The following WASHC4 variants were observed in gnomAD, a reference collection of about 807,000 sequenced individuals.
WASHC4 encodes the protein WASH complex subunit 7.
In WASHC4, 86 loss-of-function variants were observed where a neutral mutation model predicts 166.6. The ratio of observed to expected loss-of-function variants is 0.52; its 90% confidence interval spans 0.43 to 0.62. The LOEUF is 0.62. WASHC4 is among the 20% of genes least tolerant of loss of function. The probability of loss-of-function intolerance (pLI) is 0.00; values close to 1 mark genes in which losing one functional copy is unlikely to be tolerated. For missense variants in WASHC4, 1,262 were observed against 1,382.4 expected (o/e 0.91, Z 1.38); for synonymous variants, 446 against 451.6 (o/e 0.99, Z 0.16).
Position 105,152,377 on chromosome 12 carries a change from G to A in WASHC4, c.2684G>A (p.Gly895Asp), listed in dbSNP as rs1458717948. 2.5e-6 allele frequency: 4 copies of A among 1,603,710 alleles called. No homozygotes were observed. The highest frequency in any genetic ancestry group is 2.7e-5 in the African/African-American group (2 of 74,658). The change falls in exon 26 of 33, where the codon GGC becomes GAC. Residue 895 changes from glycine (G) to aspartate (D), a missense_variant. Physicochemically the swap from Gly to Asp is moderately conservative, Grantham distance 94. Coordinates refer to ENST00000332180, the MANE Select transcript of WASHC4 (RefSeq NM_015275.3). ...PFDRAEKFNR[G>D]IRKLGVTPEG... ...GATAGAGCAGAAAAATTCAATCGAG[G>A]CATCAGAAAACTTGGAGTAACACCT...
rs74473469 is a variant in WASHC4, at chr12:105,143,873, C to T, written c.2011-414C>T. The stretch of plus-strand genomic sequence containing the variant: ...GTATTCTTATTTAGGAAATAAAATA[C>T]ATGCCTGGATAGTAATTTAGAACTC... On this transcript the variant is annotated intron_variant, in intron 20 of 32. Transcript: ENST00000332180. 2.9e-3 allele frequency among the ~76,000 whole-genome samples: 436 copies of T among 151,948 alleles called. 17 individuals carry two copies. In the East Asian group the frequency reaches 0.072, roughly 25 times the overall value.
intron 15 of WASHC4, among the ~76,000 whole-genome samples, 195 bp downstream of exon 15, chr12:105,138,206 A>G (rs1313998150): frequency 6.6e-6 from 1 of 152,108 alleles, no homozygotes; most frequent in Non-Finnish European, 1.5e-5. Context: ...TGGTCATTAT[A>G]TTTAAACTTT....
chr12:105,135,462 T>C (rs1882231084), intron 14 of WASHC4, among the ~76,000 whole-genome samples: 1 of 151,786 alleles, frequency 6.6e-6, no homozygotes, highest in Non-Finnish European at 1.5e-5. Flanking sequence ...CCTTTGTTTT[T>C]GTTAAGAAGT....
At position 105,139,580 on chromosome 12, in the gene WASHC4, T is replaced by C. The variant is rs1592887025; in HGVS notation, c.1453-714T>C. On this transcript the variant is annotated intron_variant, in intron 15 of 32. Coordinates refer to ENST00000332180, the MANE Select transcript of WASHC4 (RefSeq NM_015275.3). ...TAGTGGGTATAATTGGTTTTATGAT[T>C]TTTAATATTTAACCCCTGATTGTTA... is the stretch of plus-strand genomic sequence containing the variant. Among the ~76,000 whole-genome samples, 3 of 151,488 alleles carry C rather than the reference T, an allele frequency of 2.0e-5. No individual in the cohort carries two copies. In the East Asian group the frequency reaches 5.8e-4, roughly 29 times the overall value.
At position 105,162,184 on chromosome 12, in the gene WASHC4, A is replaced by C. The variant is rs1884538705; in HGVS notation, c.3061-565A>C. On this transcript the variant is annotated intron_variant, in intron 29 of 32. Coordinates refer to ENST00000332180, the MANE Select transcript of WASHC4 (RefSeq NM_015275.3). ...GCTTCAGTAAATCTTTGTTGAATAA[A>C]AGATATGATTAGATAAGTCATTTTG... is the stretch of plus-strand genomic sequence containing the variant. Among the ~76,000 whole-genome samples the C allele has an allele frequency of 2.0e-5, 3 of 152,358 alleles. No individual in the cohort carries two copies. The South Asian group carries it at 6.2e-4, about 32-fold the overall frequency.
At position 105,132,462 on chromosome 12, in the gene WASHC4, A is replaced by G. The variant is rs566128448; in HGVS notation, c.1200-1308A>G. On this transcript the variant is annotated intron_variant, in intron 13 of 32. Coordinates refer to ENST00000332180, the MANE Select transcript of WASHC4 (RefSeq NM_015275.3). Reference sequence around the variant, plus strand: ...GCTGGGATTACAGGTGTGAGCCACCATGCCCGGCCACATACTAAGTTTTTT... The same window carrying G: ...GCTGGGATTACAGGTGTGAGCCACCGTGCCCGGCCACATACTAAGTTTTTT... Among the ~76,000 whole-genome samples, 4 of 152,322 alleles carry G rather than the reference A, an allele frequency of 2.6e-5. No homozygotes were observed. In the South Asian group the frequency reaches 8.3e-4, roughly 32 times the overall value.
rs1884857571 is a variant in WASHC4 at position 105,167,169 on chromosome 12, A to G, written c.*238A>G. On this transcript the variant is annotated 3_prime_UTR_variant, in exon 33 of 33. Coordinates refer to ENST00000332180, the MANE Select transcript of WASHC4 (RefSeq NM_015275.3). ...TTTTGCCTGGACTTGAGGGTACAAG[A>G]TGTTTCTATTTGAAGTGAAGTTATA... 2.1e-6 allele frequency: 1 copy of G among 474,488 alleles called. No individual in the cohort carries two copies. The highest frequency in any genetic ancestry group is 2.7e-5 in the South Asian group (1 of 36,730). The allele number at this position is 474,488 out of a possible 1,614,324, so 29.4% of individuals were successfully genotyped here. A position where few individuals can be genotyped will look rare whatever the true frequency, so the allele number is the denominator to read the frequency against.
intron 13 of WASHC4, among the ~76,000 whole-genome samples, chr12:105,129,138 G>T (rs1881560290): frequency 6.6e-6 from 1 of 152,078 alleles, no homozygotes; most frequent in African/African-American, 2.4e-5. Flanking sequence ...TAGAGACTGG[G>T]TTTCACCACG....
At chr12:105,108,862 A>G (rs1280627617) in intron 1 of WASHC4, among the ~76,000 whole-genome samples, 1 of 152,140 alleles carries the variant, frequency 6.6e-6, no homozygotes, top group Non-Finnish European at 1.5e-5. Context: ...AGGTTTTACA[A>G]GTCTCTCAGA....
At chr12:105,163,248 A>G (rs897125158) in intron 30 of WASHC4, among the ~76,000 whole-genome samples, 1 of 152,084 alleles carries the variant, frequency 6.6e-6, no homozygotes, top group African/African-American at 2.4e-5. Flanking sequence ...ATGAGCCACC[A>G]TGCCCGGCCT....
intron 6 of WASHC4, among the ~76,000 whole-genome samples, chr12:105,116,152 A>G (rs937785443): frequency 1.3e-5 from 2 of 152,264 alleles, no homozygotes; most frequent in African/African-American, 2.4e-5. Flanking sequence ...CATCACTGCC[A>G]GTTTTAATGA....
At chr12:105,159,891 T>TA in intron 28 of WASHC4, 110 bp from the exon 29 acceptor site, 2 of 982,976 alleles carry the variant, frequency 2.0e-6, no homozygotes. Flanking sequence ...AGAAGTGTCT[T>TA]ACAGTGTTTC....
intron 30 of WASHC4, among the ~76,000 whole-genome samples, 190 bp from the exon 31 acceptor site, chr12:105,163,921 A>G (rs1398054863): frequency 1.3e-5 from 2 of 152,162 alleles, no homozygotes; most frequent in Non-Finnish European, 2.9e-5. Flanking sequence ...ATTGTTTTTA[A>G]AGGAGGAATT....
At position 105,164,554 on chromosome 12, in the gene WASHC4, A is replaced by T. The variant is rs541643499; in HGVS notation, c.3355-87A>T. ...TCCACTAGAGCTTTTAAAAATAATA[A>T]TAAGAGGCATAAAAATGCATATATT... On this transcript the variant is annotated intron_variant, in intron 31 of 32. Coordinates refer to ENST00000332180, the MANE Select transcript of WASHC4 (RefSeq NM_015275.3). The T allele has an allele frequency of 3.2e-6, 3 of 951,652 alleles. No individual in the cohort carries two copies. In the Admixed American group the frequency reaches 6.2e-5, roughly 20 times the overall value. 59.0% of individuals were successfully genotyped at this position (951,652 alleles called of 1,614,324 possible). A position where few individuals can be genotyped will look rare whatever the true frequency, so the allele number is the denominator to read the frequency against.
At chr12:105,124,937 T>C (rs1881135280) in intron 10 of WASHC4, among the ~76,000 whole-genome samples, 1 of 152,248 alleles carries the variant, frequency 6.6e-6, no homozygotes, top group Admixed American at 6.5e-5. Context: ...TTCACTTTTT[T>C]ACTCACGCTA....
At chr12:105,138,349 G>A (rs1353013829) in intron 15 of WASHC4, among the ~76,000 whole-genome samples, 1 of 138,436 alleles carries the variant, frequency 7.2e-6, no homozygotes, top group African/African-American at 2.5e-5. Context: ...TTTTAAAAAG[G>A]TTGCATGAGT....
intron 1 of WASHC4, among the ~76,000 whole-genome samples, chr12:105,110,897 G>T (rs1274574468): frequency 6.6e-6 from 1 of 152,134 alleles, no homozygotes; most frequent in African/African-American, 2.4e-5. Context: ...GGGTTTTAAG[G>T]TAGTAACTTT....
At chr12:105,115,359 A>G (rs991420772) in intron 5 of WASHC4, 130 bp downstream of exon 5, 4 of 749,874 alleles carry the variant, frequency 5.3e-6, no homozygotes, top group African/African-American at 3.5e-5. Flanking sequence ...TTTTGTTGGT[A>G]TGTTTGGTAA....
In WASHC4 at chr12:105,168,232, C is replaced by T. The variant is rs1884907851; in HGVS notation, c.*1301C>T. On this transcript the variant is annotated 3_prime_UTR_variant, in exon 33 of 33. Transcript: ENST00000332180. The stretch of plus-strand genomic sequence containing the variant: ...TACTTACTGGTTAGGGTCAGGGTAA[C>T]TTGCCAGCCCAAGATAAATACTTTA... 1 of 152,332 alleles carries T rather than the reference C, an allele frequency of 6.6e-6. No homozygotes were observed. Among genetic ancestry groups the T allele is most frequent in the African/African-American group, 2.4e-5 (1 of 41,388 alleles). The allele number at this position is 152,332 out of a possible 1,614,324, so 9.4% of individuals were successfully genotyped here. A position where few individuals can be genotyped will look rare whatever the true frequency, so the allele number is the denominator to read the frequency against.
Sources: gnomAD v4.1 joint callset for allele counts (sites outside exome capture counted in the v4.1 genomes callset) on GRCh38, gnomAD v4.1.1 for gene constraint, MANE v1.5 for transcripts, NCBI Gene and HGNC (gene_info 2026-07-23, HGNC 2026-07-21) for gene names.